Variants in ARHGAP35 observed in about 807,000 individuals in gnomAD.
ARHGAP35 encodes rho GTPase-activating protein 35.
ARHGAP35 carries 15 observed loss-of-function variants against 111.1 expected under a neutral mutation model. The observed-to-expected ratio is 0.13, with a 90% CI of 0.09 to 0.21. The LOEUF (loss-of-function observed/expected upper bound fraction) is 0.21, where lower values mean the gene tolerates loss of function less well. Ranked by LOEUF, ARHGAP35 falls within the 10% of genes least tolerant of loss-of-function variation. The pLI is 1.00. For missense variants in ARHGAP35, 1,262 were observed against 1,873.0 expected (o/e 0.67, Z 6.02); for synonymous variants, 643 against 710.3 (o/e 0.91, Z 1.51).
At chr19:46,862,275 C>T (rs749438253) in intron 1 of ARHGAP35, among the ~76,000 whole-genome samples, 3 of 152,138 alleles carry the variant, frequency 2.0e-5, no homozygotes, top group Non-Finnish European at 4.4e-5. Context: ...CTAACTCAGA[C>T]TGCCTTCAGT....
At chr19:46,963,936 C>T (rs1261780261) in intron 3 of ARHGAP35, among the ~76,000 whole-genome samples, 1 of 151,066 alleles carries the variant, frequency 6.6e-6, no homozygotes, top group South Asian at 2.1e-4. Flanking sequence ...GGCGCAATCT[C>T]GGCTCACTGC....
chr19:46,911,648 A>G (rs2056138231), intron 1 of ARHGAP35, among the ~76,000 whole-genome samples: 1 of 152,222 alleles, frequency 6.6e-6, no homozygotes, highest in Non-Finnish European at 1.5e-5. Flanking sequence ...GATACTCTTC[A>G]TGTGGTAAAC....
chr19:46,905,315 C>T (rs955023014), intron 1 of ARHGAP35, among the ~76,000 whole-genome samples: 5 of 151,680 alleles, frequency 3.3e-5, no homozygotes, highest in Middle Eastern at 3.4e-3. Context: ...ATCAGGAGAT[C>T]GAGGCCAGCC....
At chr19:46,971,251 C>G (rs749308802) in intron 3 of ARHGAP35, among the ~76,000 whole-genome samples, 20 of 151,910 alleles carry the variant, frequency 1.3e-4, no homozygotes, top group Non-Finnish European at 2.9e-4. Flanking sequence ...ACTAAAAATA[C>G]AAAAATTAGC....
chr19:46,931,867 C>T lies in ARHGAP35; in HGVS notation c.3682-5397C>T, dbSNP rs559637277. 1.1e-4 allele frequency among the ~76,000 whole-genome samples: 16 copies of T among 152,268 alleles called. 1 individual carries two copies. The South Asian group carries it at 3.3e-3, about 32-fold the overall frequency. ...CTGTTTTCTCAACTGTAAAATGGGT[C>T]TAAATAACCCTTACCTTGCAGAGTG... On this transcript the variant is annotated intron_variant, in intron 2 of 6. Transcript: ENST00000672722.
chr19:46,909,050 A>G (rs951542559), intron 1 of ARHGAP35, among the ~76,000 whole-genome samples: 2 of 151,206 alleles, frequency 1.3e-5, no homozygotes, highest in Non-Finnish European at 2.9e-5. Flanking sequence ...CTGTAATCCC[A>G]ACACTTTGGG....
intron 1 of ARHGAP35, among the ~76,000 whole-genome samples, chr19:46,889,337 T>A (rs910968749): frequency 6.6e-6 from 1 of 151,906 alleles, no homozygotes; most frequent in Non-Finnish European, 1.5e-5. Flanking sequence ...CGTGTGCCTG[T>A]AGTCCCAGCT....
chr19:46,921,647 C>T lies in ARHGAP35; in HGVS notation c.2972C>T (p.Pro991Leu). Residue 991 changes from proline (P) to leucine (L), a missense_variant, in exon 2 of 7, where the codon CCA (proline) becomes CTA (leucine). Pro to Leu is a moderately conservative substitution (Grantham distance 98). Around this residue, in one of 8 missense-constraint regions of ARHGAP35, gnomAD observed 579 missense variants for 716.9 expected, o/e 0.81. Coordinates refer to ENST00000672722, the MANE Select transcript of ARHGAP35 (RefSeq NM_004491.5). This position sits in a 1 kb window ranked among gnomAD's most constrained non-coding sequence, Gnocchi z 4.3. ...NLQDSEEDIE[P>L]SYSLFREDTS... ...CAGGATTCAGAAGAAGATATCGAGCCATCTTACAGCCTGTTTCGAGAAGAC... is the reference window on the plus strand; with the variant it reads ...CAGGATTCAGAAGAAGATATCGAGCTATCTTACAGCCTGTTTCGAGAAGAC... 2 of 1,614,006 alleles carry T rather than the reference C, an allele frequency of 1.2e-6. No individual in the cohort carries two copies. Among genetic ancestry groups the T allele is most frequent in the South Asian group, 1.1e-5 (1 of 91,070 alleles).
Position 46,893,920 on chromosome 19 carries a change from T to C in ARHGAP35, c.-188-24568T>C, listed in dbSNP as rs199519229. Among the ~76,000 whole-genome samples the C allele has an allele frequency of 8.0e-5, 12 of 150,732 alleles. No individual in the cohort carries two copies. The East Asian group carries it at 2.3e-3, about 29-fold the overall frequency. ...TTTTTTTTTTTAAGATTTCAAACTGTCTCTGCCATTATTCTTAAATACAAC... is the reference window on the plus strand; with the variant it reads ...TTTTTTTTTTTAAGATTTCAAACTGCCTCTGCCATTATTCTTAAATACAAC... On this transcript the variant is annotated intron_variant, in intron 1 of 6. Coordinates refer to ENST00000672722, the MANE Select transcript of ARHGAP35 (RefSeq NM_004491.5).
chr19:46,941,271 A>T (rs2056345349), intron 3 of ARHGAP35, among the ~76,000 whole-genome samples: 1 of 152,084 alleles, frequency 6.6e-6, no homozygotes, highest in South Asian at 2.1e-4. Flanking sequence ...CTTATTCTTC[A>T]AGAGACTCCT....
At chr19:46,873,093 G>T (rs1336140797) in intron 1 of ARHGAP35, among the ~76,000 whole-genome samples, 1 of 152,048 alleles carries the variant, frequency 6.6e-6, no homozygotes, top group Non-Finnish European at 1.5e-5. Context: ...AAAGCAGTCT[G>T]GCCCAGAGTC....
intron 1 of ARHGAP35, among the ~76,000 whole-genome samples, chr19:46,874,379 A>G (rs2055904474): frequency 6.6e-6 from 1 of 152,184 alleles, no homozygotes; most frequent in Non-Finnish European, 1.5e-5. Flanking sequence ...ATCTTATCTT[A>G]AAGAATTATG....
At chr19:46,971,569 G>A (rs1324961157) in intron 3 of ARHGAP35, among the ~76,000 whole-genome samples, 2 of 146,888 alleles carry the variant, frequency 1.4e-5, no homozygotes, top group African/African-American at 5.0e-5. Context: ...GTGTGATCTC[G>A]GCTCACTGCA....
intron 3 of ARHGAP35, among the ~76,000 whole-genome samples, chr19:46,954,961 G>C (rs987733152): frequency 1.3e-5 from 2 of 152,188 alleles, no homozygotes; most frequent in African/African-American, 4.8e-5. Flanking sequence ...TATCTGTGGA[G>C]AGCACTTACT....
chr19:46,916,655 T>A (rs1007720699), intron 1 of ARHGAP35, among the ~76,000 whole-genome samples: 4 of 152,118 alleles, frequency 2.6e-5, no homozygotes, highest in South Asian at 2.1e-4. Context: ...AATTTTTTTT[T>A]ATTTGGAAAT....
intron 2 of ARHGAP35, among the ~76,000 whole-genome samples, chr19:46,928,002 C>G (rs943503044): frequency 2.0e-5 from 3 of 152,270 alleles, no homozygotes; most frequent in African/African-American, 4.8e-5. Context: ...CACTGCCCCC[C>G]AGAACAGCAC....
chr19:46,964,521 G>T (rs151119004), intron 3 of ARHGAP35, among the ~76,000 whole-genome samples: 56 of 152,316 alleles, frequency 3.7e-4, no homozygotes, highest in African/African-American at 1.3e-3. Context: ...GCCTCCTAAA[G>T]TGGTGGGATT....
chr19:46,905,555 A>AC (rs201154399), intron 1 of ARHGAP35, among the ~76,000 whole-genome samples: 1,845 of 103,756 alleles, frequency 0.018, 72 homozygotes, highest in African/African-American at 0.059. Flanking sequence ...TTTGTATTCC[A>AC]CCCCCCCCCC....
chr19:46,866,597 T>C (rs1053877448), intron 1 of ARHGAP35, among the ~76,000 whole-genome samples: 14 of 152,106 alleles, frequency 9.2e-5, no homozygotes, highest in African/African-American at 3.1e-4. Flanking sequence ...CAAGTTAGAG[T>C]TGGAGCTTAG....
Sources: gnomAD v4.1 joint callset for allele counts (sites outside exome capture counted in the v4.1 genomes callset) on GRCh38, gnomAD v4.1.1 for gene constraint, gnomAD v4.1.1 regional missense constraint, Gnocchi (gnomAD v3.1) non-coding constraint, MANE v1.5 for transcripts, NCBI Gene and HGNC (gene_info 2026-07-23, HGNC 2026-07-21) for gene names.